The following NAALADL2 variants were observed in gnomAD, a reference collection of about 807,000 sequenced individuals.
NAALADL2 encodes the protein inactive N-acetylated-alpha-linked acidic dipeptidase-like protein 2.
NAALADL2 carries 76 observed loss-of-function variants against 87.2 expected under a neutral mutation model. The observed-to-expected ratio is 0.87, with a 90% CI of 0.72 to 1.05. The LOEUF is 1.05. Ranked by LOEUF, NAALADL2 falls within the 50% of genes least tolerant of loss-of-function variation. NAALADL2 has a pLI of 0.00. For missense variants in NAALADL2, 1,089 were observed against 945.8 expected, an observed-to-expected ratio of 1.15 and a Z score of -1.99; for synonymous variants, 354 against 331.0, an observed-to-expected ratio of 1.07 and a Z score of -0.75.
At chr3:175,412,048 A>G (rs1445256884) in intron 5 of NAALADL2, among the ~76,000 whole-genome samples, 3 of 152,146 alleles carry the variant, frequency 2.0e-5, no homozygotes. Flanking sequence ...GCTCTGCCCA[A>G]AGGGAGAACT....
intron 11 of NAALADL2, among the ~76,000 whole-genome samples, chr3:175,680,423 G>T (rs1735430424): frequency 6.6e-6 from 1 of 152,120 alleles, no homozygotes; most frequent in Admixed American, 6.6e-5. Context: ...TGATAGATGG[G>T]TATATACACA....
chr3:175,498,528 A>G (rs1243687935), intron 9 of NAALADL2, among the ~76,000 whole-genome samples: 2 of 152,084 alleles, frequency 1.3e-5, no homozygotes, highest in Non-Finnish European at 2.9e-5. Flanking sequence ...GAAATAAACT[A>G]TCTTGGAGTT....
chr3:175,282,084 A>G (rs981687839), intron 4 of NAALADL2, among the ~76,000 whole-genome samples: 3 of 152,090 alleles, frequency 2.0e-5, no homozygotes. Flanking sequence ...TCCTTAAAAT[A>G]TTTTATGATT....
At chr3:175,787,408 C>A (rs978596946) in intron 13 of NAALADL2, among the ~76,000 whole-genome samples, 1 of 152,192 alleles carries the variant, frequency 6.6e-6, no homozygotes, top group African/African-American at 2.4e-5. Context: ...GGGATGTAAT[C>A]TTGTGGTGCG....
chr3:175,335,763 C>T lies in NAALADL2; in HGVS notation c.1090+11438C>T, dbSNP rs186614220. Among the ~76,000 whole-genome samples the T allele has an allele frequency of 2.2e-3, 336 of 152,196 alleles. 2 individuals carry two copies. Among genetic ancestry groups the T allele is most frequent in the African/African-American group, 7.7e-3 (321 of 41,528 alleles). Reference sequence around the variant, plus strand: ...TGCACTTTTATTTGCCTATCAACAGCCACTCAGTTCCTAAATTTTTCAGTG... The same window carrying T: ...TGCACTTTTATTTGCCTATCAACAGTCACTCAGTTCCTAAATTTTTCAGTG... On this transcript the variant is annotated intron_variant, in intron 5 of 13. Transcript: ENST00000454872.
chr3:175,494,102 G>C (rs1214993782), intron 9 of NAALADL2, among the ~76,000 whole-genome samples: 1 of 149,580 alleles, frequency 6.7e-6, no homozygotes, highest in Admixed American at 6.6e-5. Flanking sequence ...CACCATTTTG[G>C]AAATTATACT....
At chr3:174,654,049 A>G (rs1051533669) in intron 2 of NAALADL2, among the ~76,000 whole-genome samples, 4 of 146,846 alleles carry the variant, frequency 2.7e-5, no homozygotes, top group African/African-American at 1.0e-4. Context: ...ATATTTAGTA[A>G]TAAGATGGCT....
chr3:174,906,994 G>T (rs1362556522), intron 1 of NAALADL2, among the ~76,000 whole-genome samples: 2 of 151,826 alleles, frequency 1.3e-5, no homozygotes, highest in African/African-American at 4.8e-5. Flanking sequence ...AAAATCAGAT[G>T]GTTATTAATA....
At chr3:174,907,975 T>A (rs900066381) in intron 1 of NAALADL2, among the ~76,000 whole-genome samples, 1 of 151,116 alleles carries the variant, frequency 6.6e-6, no homozygotes, top group Non-Finnish European at 1.5e-5. Flanking sequence ...TTAAGTAACA[T>A]ATTTCTTATT....
At chr3:175,200,276 T>A (rs1279390495) in intron 2 of NAALADL2, among the ~76,000 whole-genome samples, 1 of 152,114 alleles carries the variant, frequency 6.6e-6, no homozygotes, top group Non-Finnish European at 1.5e-5. Flanking sequence ...TGCTAGTTCC[T>A]AACTCAATTT....
At chr3:174,783,682 C>T (rs1166468463) in intron 3 of NAALADL2, among the ~76,000 whole-genome samples, 3 of 151,990 alleles carry the variant, frequency 2.0e-5, no homozygotes, top group South Asian at 2.1e-4. Flanking sequence ...ATTTCTTAAG[C>T]GGCCATATTT....
chr3:174,735,991 G>A (rs1179387757), intron 2 of NAALADL2, among the ~76,000 whole-genome samples: 2 of 152,158 alleles, frequency 1.3e-5, no homozygotes, highest in Non-Finnish European at 2.9e-5. Flanking sequence ...ACTGGCTGCA[G>A]TGGGGTGGGC....
intron 9 of NAALADL2, among the ~76,000 whole-genome samples, chr3:175,503,991 C>T (rs189797387): frequency 5.1e-4 from 78 of 152,162 alleles, no homozygotes; most frequent in Non-Finnish European, 8.4e-4. Flanking sequence ...GTCTTCGTCA[C>T]GAAATTTTTG....
intron 2 of NAALADL2, among the ~76,000 whole-genome samples, chr3:174,726,305 G>A (rs542150730): frequency 6.6e-6 from 1 of 152,196 alleles, no homozygotes; most frequent in African/African-American, 2.4e-5. Context: ...GCACATCATT[G>A]TCAACCCCAT....
intron 2 of NAALADL2, among the ~76,000 whole-genome samples, 156 bp downstream of exon 2, chr3:175,097,447 G>A (rs142768863): frequency 1.8e-3 from 275 of 152,146 alleles, no homozygotes; most frequent in Non-Finnish European, 3.4e-3. Flanking sequence ...AGAGGGGAGC[G>A]CACATTTTCA....
At chr3:175,085,238 T>C (rs1183812307) in intron 1 of NAALADL2, among the ~76,000 whole-genome samples, 1 of 152,176 alleles carries the variant, frequency 6.6e-6, no homozygotes, top group Non-Finnish European at 1.5e-5. Context: ...CTCTTAATAG[T>C]AACTTCATGG....
At chr3:175,696,805 G>A (rs75025227) in intron 11 of NAALADL2, among the ~76,000 whole-genome samples, 7,940 of 152,176 alleles carry the variant, frequency 0.052, 325 homozygotes, top group South Asian at 0.19. Context: ...CAAGAACATG[G>A]CACCAATGTC....
chr3:174,787,620 T>TACAC (rs1489900205), intron 3 of NAALADL2, among the ~76,000 whole-genome samples: 1 of 117,496 alleles, frequency 8.5e-6, no homozygotes, highest in Non-Finnish European at 1.8e-5. Context: ...TATATATATA[T>TACAC]AGTAGTGACT....
intron 1 of NAALADL2, among the ~76,000 whole-genome samples, chr3:174,919,185 C>T (rs768855506): frequency 1.8e-4 from 28 of 151,976 alleles, no homozygotes; most frequent in Non-Finnish European, 3.4e-4. Context: ...GTGGTGATTG[C>T]TGAAGGTTGG....
Sources: gnomAD v4.1 joint callset for allele counts (sites outside exome capture counted in the v4.1 genomes callset) on GRCh38, gnomAD v4.1.1 for gene constraint, MANE v1.5 for transcripts, NCBI Gene and HGNC (gene_info 2026-07-23, HGNC 2026-07-21) for gene names.